Variants in DHX9 observed in about 807,000 individuals in gnomAD.
The protein encoded by DHX9 is ATP-dependent RNA helicase A.
In DHX9, 27 loss-of-function variants were observed where a neutral mutation model predicts 148.7. The observed-to-expected ratio is 0.18, with a 90% CI of 0.13 to 0.25. DHX9 has a LOEUF of 0.25. Ranked by LOEUF, DHX9 falls within the 10% of genes least tolerant of loss-of-function variation. DHX9 has a pLI of 1.00. For missense variants in DHX9, 796 were observed against 1,559.6 expected (o/e 0.51, Z 8.25); for synonymous variants, 529 against 516.6 (o/e 1.02, Z -0.33).
At chr1:182,886,636 G>A (rs548289065) in intron 27 of DHX9, among the ~76,000 whole-genome samples, 10 of 152,202 alleles carry the variant, frequency 6.6e-5, no homozygotes, top group African/African-American at 1.9e-4. Context: ...TTTTTTATTC[G>A]CTTTATTTTC....
rs1166443207 is a variant in DHX9, at chr1:182,866,473, A to G, written c.1362A>G (p.Ala454=). 6.2e-6 allele frequency: 10 copies of G among 1,614,066 alleles called. No homozygotes were observed. Among genetic ancestry groups the G allele is most frequent in the East Asian group, 4.5e-5 (2 of 44,890 alleles). Residue 454 remains alanine, a synonymous_variant, in exon 13 of 28, where the codon GCA becomes GCG. Coordinates refer to ENST00000367549, the MANE Select transcript of DHX9 (RefSeq NM_001357.5). ...QPRRISAVSV[A]ERVAFERGEE... is the part of the protein sequence containing the mutation. Reference sequence around the variant, plus strand: ...GAAGAATCAGTGCGGTTTCTGTGGCAGAGCGAGTTGCATTTGAAAGAGGAG... The same window carrying G: ...GAAGAATCAGTGCGGTTTCTGTGGCGGAGCGAGTTGCATTTGAAAGAGGAG...
rs369880071 is a variant in DHX9, at chr1:182,850,594, C to CAA, written c.253-1625_253-1624dup. Among the ~76,000 whole-genome samples, 69 of 72,228 alleles carry CAA rather than the reference C, an allele frequency of 9.6e-4. 1 individual carries two copies. Among genetic ancestry groups the CAA allele is most frequent in the African/African-American group, 2.6e-3 (58 of 22,682 alleles). The allele number at this position is 72,228 out of a possible 152,430, so 47.4% of individuals were successfully genotyped here. ...TGGGTGATGCAGTGAGACCCTGTCT[C>CAA]AAAAAAAAAAAAAAAGGTTTTAAAT... On this transcript the variant is annotated intron_variant, in intron 3 of 27. Coordinates refer to ENST00000367549, the MANE Select transcript of DHX9 (RefSeq NM_001357.5).
Position 182,878,036 on chromosome 1 carries a change from C to G in DHX9, c.2214C>G (p.Leu738=), listed in dbSNP as rs769143883. 1 of 1,614,192 alleles carries G rather than the reference C, an allele frequency of 6.2e-7. No individual in the cohort carries two copies. The highest frequency in any genetic ancestry group is 1.3e-5 in the African/African-American group (1 of 75,054). Residue 738 remains leucine, a synonymous_variant, in exon 20 of 28, where the codon CTC becomes CTG. Transcript: ENST00000367549. ...TCCTATGTAGGCAGAAAGTGAAACTCTTCACTGCTCACAACAATATGACCA... is the reference window on the plus strand; with the variant it reads ...TCCTATGTAGGCAGAAAGTGAAACTGTTCACTGCTCACAACAATATGACCA... ...VIDSCKQKVK[L]FTAHNNMTNY...
chr1:182,842,205 T>A (rs1273830899), intron 1 of DHX9, among the ~76,000 whole-genome samples: 2 of 152,228 alleles, frequency 1.3e-5, no homozygotes, highest in African/African-American at 4.8e-5. Flanking sequence ...GAGTTAAATA[T>A]ATAAGGTGCC....
Position 182,887,193 on chromosome 1 carries a change from G to A in DHX9, c.3572G>A (p.Ser1191Asn). ...SGGGYGGGYS[S>N]GGYGSGGYGG... is the part of the protein sequence containing the mutation. ...GGAGGCTATGGCGGTGGCTATAGCA[G>A]TGGAGGCTATGGTAGCGGAGGCTAT... The change falls in exon 28 of 28, where the codon AGT becomes AAT. Residue 1191 changes from serine to asparagine, a missense_variant. Around this residue, in one of 14 missense-constraint regions of DHX9, gnomAD observed 98 missense variants for 105.5 expected, o/e 0.93. Coordinates refer to ENST00000367549, the MANE Select transcript of DHX9 (RefSeq NM_001357.5). 6.2e-7 allele frequency: 1 copy of A among 1,614,212 alleles called. No individual in the cohort carries two copies. Among genetic ancestry groups the A allele is most frequent in the Non-Finnish European group, 8.5e-7 (1 of 1,180,038 alleles).
At chr1:182,883,422 A>AT in intron 25 of DHX9, 54 bp downstream of exon 25, 1 of 1,583,992 alleles carries the variant, frequency 6.3e-7, no homozygotes. Context: ...CTTTACAATC[A>AT]TTAGGAACAT....
In DHX9 at chr1:182,858,577, T is replaced by A. The variant is rs1185789733; in HGVS notation, c.837T>A (p.Ser279=). The A allele has an allele frequency of 1.2e-6, 2 of 1,610,834 alleles. No individual in the cohort carries two copies. The highest frequency in any genetic ancestry group is 3.4e-5 in the Admixed American group (2 of 59,530). ...TGGAGCCTTACAAAGTAAACCTCTC[T>A]CAAGATTTAGAGCATCAGCTGCAAA... ...ETVEPYKVNL[S]QDLEHQLQNI... The change falls in exon 9 of 28, where the codon TCT becomes TCA. Residue 279 remains serine (S), a synonymous_variant. Transcript: ENST00000367549.
chr1:182,851,694 T>A (rs944264415), intron 3 of DHX9, among the ~76,000 whole-genome samples: 1 of 152,216 alleles, frequency 6.6e-6, no homozygotes, highest in African/African-American at 2.4e-5. Context: ...AGAAAACCAA[T>A]ATATTTTATG....
At chr1:182,844,321 A>G (rs1023522939) in intron 3 of DHX9, among the ~76,000 whole-genome samples, 4 of 152,188 alleles carry the variant, frequency 2.6e-5, no homozygotes, top group Non-Finnish European at 5.9e-5. Flanking sequence ...TGTCATGATT[A>G]TCTTAATTAT....
intron 27 of DHX9, among the ~76,000 whole-genome samples, chr1:182,885,133 G>C (rs2102623323): frequency 6.6e-6 from 1 of 152,146 alleles, no homozygotes. Flanking sequence ...CTTTTTCCAT[G>C]GTACTGTTTT....
intron 20 of DHX9, 137 bp downstream of exon 20, chr1:182,878,310 TC>T (rs1250443022): frequency 5.3e-6 from 5 of 942,986 alleles, no homozygotes; most frequent in Non-Finnish European, 7.8e-6. Flanking sequence ...TGTAAATGTT[TC>T]GTAAGAATCT....
chr1:182,843,919 C>G (rs1263777864), intron 3 of DHX9, among the ~76,000 whole-genome samples: 1 of 152,072 alleles, frequency 6.6e-6, no homozygotes, highest in Admixed American at 6.6e-5. Flanking sequence ...ATCCTTAACC[C>G]CCTTAGTAGC....
intron 19 of DHX9, 98 bp from the exon 20 acceptor site, chr1:182,877,923 T>A (rs1212116926): frequency 1.5e-6 from 2 of 1,369,864 alleles, no homozygotes; most frequent in Non-Finnish European, 2.0e-6. Flanking sequence ...TAGGTATGGC[T>A]TTAACTACAT....
In DHX9 at chr1:182,859,051, G is replaced by A. The variant is rs1260533482; in HGVS notation, c.1074G>A (p.Glu358=). 6.2e-7 allele frequency: 1 copy of A among 1,614,084 alleles called. No individual in the cohort carries two copies. Among genetic ancestry groups the A allele is most frequent in the Non-Finnish European group, 8.5e-7 (1 of 1,180,006 alleles). ...DEGPLAFATP[E]QISMDLKNEL... is the part of the protein sequence containing the mutation. ...TTTTTGTTTTACAGGCTACTCCAGA[G>A]CAAATAAGCATGGACCTCAAGAATG... The change falls in exon 11 of 28, where the codon GAG becomes GAA. Residue 358 remains glutamate (E), a synonymous_variant. Transcript: ENST00000367549.
intron 1 of DHX9, among the ~76,000 whole-genome samples, chr1:182,840,633 C>T (rs926049980): frequency 5.9e-5 from 9 of 152,188 alleles, no homozygotes; most frequent in African/African-American, 2.2e-4. Context: ...CTCTGTCTTC[C>T]TGAAGCAAGA....
At chr1:182,880,860 AT>A (rs1649053208) in intron 22 of DHX9, among the ~76,000 whole-genome samples, 7 of 152,164 alleles carry the variant, frequency 4.6e-5, no homozygotes, top group African/African-American at 1.2e-4. Flanking sequence ...AGGCCAGGCA[AT>A]GTGGCTCACA....
rs548806042 is a variant in DHX9, at chr1:182,869,796, A to C, written c.1558-2541A>C. Among the ~76,000 whole-genome samples the C allele has an allele frequency of 8.1e-4, 124 of 152,294 alleles. 1 individual carries two copies. The highest frequency in any genetic ancestry group is 2.9e-3 in the African/African-American group (119 of 41,570). On this transcript the variant is annotated intron_variant, in intron 14 of 27. Transcript: ENST00000367549. ...GTATTTTTAGTAGAGACAGGGTTTCACCATGTTGGCCGAACTGGTCTCAAA... is the reference window on the plus strand; with the variant it reads ...GTATTTTTAGTAGAGACAGGGTTTCCCCATGTTGGCCGAACTGGTCTCAAA...
chr1:182,843,200 G>A (rs996522845), intron 2 of DHX9, 94 bp from the exon 3 acceptor site: 5 of 907,488 alleles, frequency 5.5e-6, no homozygotes, highest in African/African-American at 1.8e-5. Flanking sequence ...AAAGTTAGCT[G>A]TTTGTTGTCT....
chr1:182,880,805 A>G (rs1361408259), intron 22 of DHX9, among the ~76,000 whole-genome samples, 197 bp downstream of exon 22: 1 of 152,162 alleles, frequency 6.6e-6, no homozygotes, highest in African/African-American at 2.4e-5. Context: ...ATCTGGGCCC[A>G]ATATGGGGAA....
Sources: allele counts gnomAD v4.1 joint callset (sites outside exome capture counted in the v4.1 genomes callset), GRCh38; gene constraint gnomAD v4.1.1; regional missense constraint gnomAD v4.1.1; transcripts MANE v1.5; gene names NCBI Gene and HGNC (gene_info 2026-07-23, HGNC 2026-07-21).